The following SLC14A2 variants were observed in gnomAD, a reference collection of about 807,000 sequenced individuals.
SLC14A2 encodes the protein urea transporter 2.
SLC14A2 carries 91 observed loss-of-function variants against 104.6 expected under a neutral mutation model. The ratio of observed to expected loss-of-function variants is 0.87; its 90% CI spans 0.73 to 1.04. The LOEUF is 1.04. Among genes scored for constraint, SLC14A2 ranks in the 50% least tolerant of loss-of-function variants. The pLI, the probability that SLC14A2 is intolerant of heterozygous loss-of-function variation, is 0.00. For missense variants in SLC14A2, 1,189 were observed against 1,156.0 expected (o/e 1.03, Z -0.41); for synonymous variants, 476 against 466.4 (o/e 1.02, Z -0.27).
At chr18:45,221,033 G>A (rs62092121) in intron 1 of SLC14A2, among the ~76,000 whole-genome samples, 17,179 of 152,198 alleles carry the variant, frequency 0.11, 979 homozygotes, top group Non-Finnish European at 0.12. Flanking sequence ...CATTTCAATT[G>A]AATCACCACT....
the SLC14A2 span, among the ~76,000 whole-genome samples, chr18:45,201,951 C>T: frequency 6.6e-6 from 1 of 152,264 alleles, no homozygotes; most frequent in Admixed American, 6.5e-5. Flanking sequence ...ATTCAGACCA[C>T]CCATCTCTTC....
At chr18:45,526,122 T>C (rs59594738) in intron 2 of SLC14A2, among the ~76,000 whole-genome samples, 5,574 of 152,310 alleles carry the variant, frequency 0.037, 215 homozygotes, top group African/African-American at 0.098. Flanking sequence ...TGAATTTACA[T>C]TGTGGCTATA....
At chr18:45,624,843 CT>C (rs1301763383) in intron 2 of SLC14A2, 29 bp downstream of exon 2, 1 of 1,577,400 alleles carries the variant, frequency 6.3e-7, no homozygotes, top group Non-Finnish European at 8.6e-7. Context: ...AGGATGTTTC[CT>C]GGGAGGGAGG....
At chr18:45,662,129 C>T (rs939611855) in intron 10 of SLC14A2, among the ~76,000 whole-genome samples, 1 of 152,130 alleles carries the variant, frequency 6.6e-6, no homozygotes, top group Non-Finnish European at 1.5e-5. Flanking sequence ...ATGGTGAAAC[C>T]CTGTCTCTAC....
intron 2 of SLC14A2, among the ~76,000 whole-genome samples, chr18:45,570,370 C>A (rs2044327171): frequency 6.6e-6 from 1 of 152,126 alleles, no homozygotes; most frequent in African/African-American, 2.4e-5. Context: ...ATATGCCTGG[C>A]ATTTAGCCCA....
intron 1 of SLC14A2, among the ~76,000 whole-genome samples, chr18:45,305,560 C>G (rs1001020437): frequency 3.9e-5 from 6 of 152,144 alleles, no homozygotes; most frequent in African/African-American, 1.4e-4. Flanking sequence ...TCTTTGTCAC[C>G]AACCCTCCCC....
In SLC14A2 at chr18:45,655,791, T is replaced by C. The variant is rs535050293; in HGVS notation, c.1352-7994T>C. 2.0e-5 allele frequency among the ~76,000 whole-genome samples: 3 copies of C among 152,368 alleles called. No homozygotes were observed. The South Asian group carries it at 6.2e-4, about 32-fold the overall frequency. On this transcript the variant is annotated intron_variant, in intron 10 of 19. Coordinates refer to ENST00000255226, the MANE Select transcript of SLC14A2 (RefSeq NM_007163.4). ...ACAGGTGTTCATTATTTTTTGGTAA[T>C]TTTTGTAACTCCTTTTGAGATACAA...
intron 1 of SLC14A2, among the ~76,000 whole-genome samples, chr18:45,261,736 A>G (rs2084540407): frequency 6.6e-6 from 1 of 151,958 alleles, no homozygotes; most frequent in Non-Finnish European, 1.5e-5. Flanking sequence ...AAGGACATGA[A>G]CTCATCATTT....
chr18:45,604,988 T>C (rs568580401), intron 2 of SLC14A2, among the ~76,000 whole-genome samples: 1 of 152,220 alleles, frequency 6.6e-6, no homozygotes, highest in Non-Finnish European at 1.5e-5. Context: ...CTCTGATTAA[T>C]ATGAGTGTCA....
At chr18:45,566,086 G>C (rs2044262835) in intron 2 of SLC14A2, among the ~76,000 whole-genome samples, 1 of 152,176 alleles carries the variant, frequency 6.6e-6, no homozygotes, top group African/African-American at 2.4e-5. Context: ...TATGAGTTGT[G>C]ACAGGTAAGG....
At chr18:45,387,026 G>A (rs550760042) in intron 1 of SLC14A2, among the ~76,000 whole-genome samples, 3 of 152,240 alleles carry the variant, frequency 2.0e-5, no homozygotes, top group Admixed American at 2.0e-4. Context: ...ACTGTTTCTG[G>A]AGTATTCTTT....
intron 4 of SLC14A2, among the ~76,000 whole-genome samples, chr18:45,631,536 G>C (rs1008750391): frequency 6.6e-6 from 1 of 152,246 alleles, no homozygotes; most frequent in Non-Finnish European, 1.5e-5. Flanking sequence ...CTCACCAAGG[G>C]GCACCTGGGA....
chr18:45,532,140 C>T (rs2043702415), intron 2 of SLC14A2, among the ~76,000 whole-genome samples: 1 of 152,136 alleles, frequency 6.6e-6, no homozygotes, highest in Non-Finnish European at 1.5e-5. Context: ...AGCATGATGC[C>T]TCCAGCTTTG....
intron 2 of SLC14A2, among the ~76,000 whole-genome samples, chr18:45,511,360 T>G (rs752648469): frequency 6.6e-6 from 1 of 152,202 alleles, no homozygotes; most frequent in African/African-American, 2.4e-5. Flanking sequence ...AGCTTAAACA[T>G]TAATTTTTCA....
At chr18:45,542,768 T>G (rs1026948782) in intron 2 of SLC14A2, among the ~76,000 whole-genome samples, 3 of 152,244 alleles carry the variant, frequency 2.0e-5, no homozygotes. Context: ...CAGTGAGGTT[T>G]CTGCAGTGGA....
At chr18:45,552,607 G>C (rs1307606086) in intron 2 of SLC14A2, among the ~76,000 whole-genome samples, 1 of 152,214 alleles carries the variant, frequency 6.6e-6, no homozygotes, top group Non-Finnish European at 1.5e-5. Context: ...ATGTGGTGCT[G>C]GGTGTGTGTG....
chr18:45,528,720 A>C (rs1330802446), intron 2 of SLC14A2: 1 of 152,104 alleles, frequency 6.6e-6, no homozygotes, highest in Non-Finnish European at 1.5e-5. Flanking sequence ...AGAGTCTCAA[A>C]ATCTATTCAG....
intron 1 of SLC14A2, among the ~76,000 whole-genome samples, chr18:45,382,926 C>T (rs148120034): frequency 0.01 from 1,560 of 152,214 alleles, 33 homozygotes; most frequent in African/African-American, 0.034. Flanking sequence ...GTTTTAATCT[C>T]GAAGAAAAGC....
At chr18:45,272,637 A>G (rs1002672509) in intron 1 of SLC14A2, among the ~76,000 whole-genome samples, 2 of 152,064 alleles carry the variant, frequency 1.3e-5, no homozygotes, top group Non-Finnish European at 2.9e-5. Flanking sequence ...GGGGTAGATG[A>G]GGATGGTTAA....
Sources: gnomAD v4.1 joint callset for allele counts (sites outside exome capture counted in the v4.1 genomes callset) on GRCh38, gnomAD v4.1.1 for gene constraint, MANE v1.5 for transcripts, NCBI Gene and HGNC (gene_info 2026-07-23, HGNC 2026-07-21) for gene names.